AMMECR1: variants seen among roughly 807,000 people sequenced by gnomAD.
AMMECR1 encodes the protein AMMECR nuclear protein 1.
In AMMECR1, 3 loss-of-function variants were observed where a neutral mutation model predicts 22.5. That is an observed-to-expected ratio of 0.13 (90% CI 0.06 to 0.35). The LOEUF (loss-of-function observed/expected upper bound fraction) is 0.35. AMMECR1 is among the 10% of genes least tolerant of loss of function. The pLI is 1.00. For synonymous variants in AMMECR1, 130 were observed against 116.7 expected, an observed-to-expected ratio of 1.11 and a Z score of -0.74; for missense variants, 235 against 278.7, an observed-to-expected ratio of 0.84 and a Z score of 1.12.
intron 2 of AMMECR1, among the ~76,000 whole-genome samples, chrX:110,404,450 C>T (rs967347856): frequency 2.7e-5 from 3 of 111,702 alleles, no homozygotes; most frequent in Admixed American, 1.9e-4. Context: ...AAAATACACT[C>T]GCAGGACAAA....
chrX:110,384,702 G>A (rs1236712157), intron 2 of AMMECR1, among the ~76,000 whole-genome samples: 1 of 110,900 alleles, frequency 9.0e-6, no homozygotes, highest in African/African-American at 3.3e-5. Context: ...CCTCCAGAAG[G>A]TGACAAATGT....
chrX:110,428,605 C>T (rs1413010460), intron 1 of AMMECR1, among the ~76,000 whole-genome samples: 1 of 111,307 alleles, frequency 9.0e-6, no homozygotes, highest in Admixed American at 9.5e-5. Flanking sequence ...AACACTCCCC[C>T]CCTCTCCAAG....
intron 2 of AMMECR1, among the ~76,000 whole-genome samples, chrX:110,343,912 T>C (rs1465507900): frequency 9.0e-6 from 1 of 111,468 alleles, no homozygotes; most frequent in Non-Finnish European, 1.9e-5. Flanking sequence ...AAAATGGCCA[T>C]ACTGCCCAAG....
intron 2 of AMMECR1, among the ~76,000 whole-genome samples, chrX:110,410,455 G>C (rs185840384): frequency 8.9e-6 from 1 of 112,490 alleles, no homozygotes; most frequent in East Asian, 2.8e-4. Flanking sequence ...AGAAAGCCAA[G>C]TGAAATAATG....
intron 2 of AMMECR1, among the ~76,000 whole-genome samples, chrX:110,426,195 G>A (rs1008989777): frequency 3.6e-5 from 4 of 112,554 alleles, no homozygotes; most frequent in Non-Finnish European, 7.5e-5. Context: ...AAATGAGAAT[G>A]TGTCTTTGAT....
rs746059816 is a variant in AMMECR1 at position 110,434,706 on chromosome X, G to A, written c.-294+5184C>T. Among the ~76,000 whole-genome samples the A allele has an allele frequency of 2.7e-5, 3 of 111,421 alleles. No homozygotes were observed. In the South Asian group the frequency reaches 1.2e-3, roughly 43 times the overall value. Reference sequence around the variant, plus strand: ...CTTGCTGGGTTTGGAGTGCTGGATAGCGGACATGTCCAGCAAGAAACTGGG... The same window carrying A: ...CTTGCTGGGTTTGGAGTGCTGGATAACGGACATGTCCAGCAAGAAACTGGG... On this transcript the variant is annotated intron_variant, in intron 1 of 7. Coordinates refer to the AMMECR1 transcript ENST00000372057.
intron 1 of AMMECR1, among the ~76,000 whole-genome samples, chrX:110,286,671 C>CA (rs775821051): frequency 5.7e-3 from 379 of 66,936 alleles, no homozygotes; most frequent in Middle Eastern, 0.016. Context: ...GACCCTGTCT[C>CA]AAAAAAAAAA....
intron 2 of AMMECR1, among the ~76,000 whole-genome samples, chrX:110,358,136 A>G (rs1569413769): frequency 8.9e-6 from 1 of 111,957 alleles, no homozygotes; most frequent in Non-Finnish European, 1.9e-5. Context: ...GCTGTCTTTG[A>G]GGCATTTACA....
chrX:110,319,925 C>A (rs1213755089), upstream of AMMECR1, among the ~76,000 whole-genome samples: 1 of 112,024 alleles, frequency 8.9e-6, no homozygotes, highest in Non-Finnish European at 1.9e-5. Context: ...GAAATAAGAA[C>A]TTAGTTTTTA....
intron 2 of AMMECR1, among the ~76,000 whole-genome samples, chrX:110,247,951 C>G (rs1235126316): frequency 8.9e-6 from 1 of 111,987 alleles, no homozygotes; most frequent in African/African-American, 3.2e-5. Context: ...GCCTATGATT[C>G]TAAAGTTTTC....
intron 2 of AMMECR1, among the ~76,000 whole-genome samples, chrX:110,238,709 C>A (rs980579463): frequency 3.6e-5 from 4 of 112,563 alleles, no homozygotes; most frequent in Non-Finnish European, 7.5e-5. Context: ...AAGGGACAGA[C>A]TGCCTCCTCA....
At chrX:110,233,422 A>C (rs1047732103) in intron 2 of AMMECR1, among the ~76,000 whole-genome samples, 1 of 112,198 alleles carries the variant, frequency 8.9e-6, no homozygotes, top group Non-Finnish European at 1.9e-5. Flanking sequence ...AGCTGGTACC[A>C]ATCCTTCTGA....
intron 2 of AMMECR1, among the ~76,000 whole-genome samples, chrX:110,228,632 C>T (rs996005737): frequency 1.8e-5 from 2 of 111,083 alleles, no homozygotes; most frequent in African/African-American, 6.6e-5. Context: ...CACTGACAGG[C>T]ACCTGGCACG....
chrX:110,424,830 C>T (rs752034306), intron 2 of AMMECR1, among the ~76,000 whole-genome samples: 3 of 111,974 alleles, frequency 2.7e-5, no homozygotes, highest in South Asian at 3.8e-4. Flanking sequence ...AGTGTTGTCC[C>T]GTTAATCTCT....
At chrX:110,284,575 T>C (rs1569397121) in intron 1 of AMMECR1, among the ~76,000 whole-genome samples, 1 of 112,294 alleles carries the variant, frequency 8.9e-6, no homozygotes, top group Non-Finnish European at 1.9e-5. Context: ...GCAGTGGCCA[T>C]GAATGGCAGG....
At chrX:110,332,894 C>A (rs779903637) in intron 2 of AMMECR1, among the ~76,000 whole-genome samples, 2 of 111,355 alleles carry the variant, frequency 1.8e-5, no homozygotes, top group African/African-American at 3.3e-5. Context: ...CTTTTGCTGC[C>A]TTTTAGTGTG....
intron 1 of AMMECR1, among the ~76,000 whole-genome samples, chrX:110,298,675 A>G (rs1268221160): frequency 8.9e-6 from 1 of 111,780 alleles, no homozygotes; most frequent in Admixed American, 9.5e-5. Flanking sequence ...AGTCAATCAC[A>G]ATGAATAAAA....
At chrX:110,290,690 T>C (rs1015788462) in intron 1 of AMMECR1, among the ~76,000 whole-genome samples, 2 of 111,202 alleles carry the variant, frequency 1.8e-5, no homozygotes, top group African/African-American at 3.3e-5. Flanking sequence ...CCTAAATCAA[T>C]GGCATACAGA....
At chrX:110,205,171 C>T (rs182639846) in intron 3 of AMMECR1, among the ~76,000 whole-genome samples, 7 of 111,546 alleles carry the variant, frequency 6.3e-5, no homozygotes, top group African/African-American at 2.0e-4. Flanking sequence ...TCTTGAGCAA[C>T]AGCATTTTCT....
Sources: gnomAD v4.1 joint callset for allele counts (sites outside exome capture counted in the v4.1 genomes callset) on GRCh38, gnomAD v4.1.1 for gene constraint, MANE v1.5 for transcripts, NCBI Gene and HGNC (gene_info 2026-07-23, HGNC 2026-07-21) for gene names.